Variants in MAGI2 observed in about 807,000 individuals in gnomAD.
MAGI2 encodes the protein membrane-associated guanylate kinase, WW and PDZ domain-containing protein 2.
In MAGI2, 35 loss-of-function variants were observed where a neutral mutation model predicts 133.3. The observed-to-expected ratio is 0.26, with a 90% confidence interval of 0.20 to 0.35. The LOEUF (loss-of-function observed/expected upper bound fraction) is 0.35, where lower values mean the gene tolerates loss of function less well. Among genes scored for constraint, MAGI2 ranks in the 10% least tolerant of loss-of-function variants. The pLI is 1.00. For synonymous variants in MAGI2, 729 were observed against 710.6 expected (o/e 1.03, Z -0.41); for missense variants, 1,636 against 1,863.4 (o/e 0.88, Z 2.25).
Position 78,167,927 on chromosome 7 carries a change from A to G in MAGI2, c.2585T>C (p.Val862Ala). 1 of 1,613,870 alleles carries G rather than the reference A, an allele frequency of 6.2e-7. No homozygotes were observed. Among genetic ancestry groups the G allele is most frequent in the Non-Finnish European group, 8.5e-7 (1 of 1,179,894 alleles). ...CTCCAGGTACATACCTCCACATAGCACCTTTCTTCTCACAGTGAGGTTGAC... is the reference window on the plus strand; with the variant it reads ...CTCCAGGTACATACCTCCACATAGCGCCTTTCTTCTCACAGTGAGGTTGAC... ...GQVNLTVRRK[V>A]LCGGEPCPEN... Residue 862 changes from valine to alanine, a missense_variant, in exon 15 of 22, where the codon GTG becomes GCG. By Grantham distance (64) the Val-to-Ala change is moderately conservative. This residue lies in a region of MAGI2 where 920 missense variants were observed against 1,093.5 expected (regional missense o/e 0.84). Transcript: ENST00000354212.
chr7:79,077,334 G>A (rs575182823), intron 1 of MAGI2, among the ~76,000 whole-genome samples: 6 of 151,762 alleles, frequency 4.0e-5, no homozygotes, highest in Admixed American at 6.6e-5. Context: ...GAGGCGGGCG[G>A]ATCACGAGGT....
intron 1 of MAGI2, among the ~76,000 whole-genome samples, chr7:79,182,253 G>T (rs1319716717): frequency 1.3e-5 from 2 of 151,960 alleles, no homozygotes; most frequent in African/African-American, 2.4e-5. Flanking sequence ...ATTTACAAAA[G>T]AAAGAGGTTT....
intron 3 of MAGI2, among the ~76,000 whole-genome samples, chr7:78,562,997 G>GTTT (rs397758695): frequency 7.2e-6 from 1 of 138,314 alleles, no homozygotes; most frequent in Non-Finnish European, 1.6e-5. Context: ...CTTTTTTGTT[G>GTTT]TTTTTTTTTT....
At chr7:78,062,646 C>T (rs1374921030) in intron 21 of MAGI2, among the ~76,000 whole-genome samples, 1 of 151,740 alleles carries the variant, frequency 6.6e-6, no homozygotes, top group Non-Finnish European at 1.5e-5. Context: ...GCGCTCCTCT[C>T]TCTGTATGCA....
At chr7:79,308,609 C>A (rs987394876) in intron 1 of MAGI2, among the ~76,000 whole-genome samples, 3 of 152,184 alleles carry the variant, frequency 2.0e-5, no homozygotes, top group Non-Finnish European at 4.4e-5. Context: ...GACAGCTGAA[C>A]ACTAAACCTC....
At chr7:78,424,736 A>G (rs1799128166) in intron 6 of MAGI2, among the ~76,000 whole-genome samples, 3 of 152,288 alleles carry the variant, frequency 2.0e-5, no homozygotes, top group South Asian at 4.1e-4. Context: ...GAGCTTTAAG[A>G]TTTGACTACC....
chr7:78,141,391 G>A (rs1243766778), intron 16 of MAGI2, among the ~76,000 whole-genome samples: 4 of 152,052 alleles, frequency 2.6e-5, no homozygotes, highest in Non-Finnish European at 5.9e-5. Context: ...GCCTTCATAT[G>A]TTTTATTGTG....
At chr7:79,019,627 T>G (rs1030104706) in intron 1 of MAGI2, among the ~76,000 whole-genome samples, 3 of 151,982 alleles carry the variant, frequency 2.0e-5, no homozygotes, top group African/African-American at 7.2e-5. Flanking sequence ...TCGCTTCCAC[T>G]TCTGCATCCT....
chr7:79,147,321 T>C (rs911881307), intron 1 of MAGI2, among the ~76,000 whole-genome samples: 4 of 152,048 alleles, frequency 2.6e-5, no homozygotes, highest in Non-Finnish European at 5.9e-5. Flanking sequence ...CATCATGGAG[T>C]AAATGACATT....
Position 78,487,176 on chromosome 7 carries a change from A to G in MAGI2, c.1045+2585T>C, listed in dbSNP as rs1471576134. ...GGAAGTAGCTGCAGCAGGATGGGGAAAAAAAAAAAAAAAAGCCAAAATACC... is the reference window on the plus strand; with the variant it reads ...GGAAGTAGCTGCAGCAGGATGGGGAGAAAAAAAAAAAAAAGCCAAAATACC... On this transcript the variant is annotated intron_variant, in intron 6 of 21. Coordinates refer to ENST00000354212, the MANE Select transcript of MAGI2 (RefSeq NM_012301.4). 2.9e-4 allele frequency: 15 copies of G among 51,186 alleles called. No individual in the cohort carries two copies. In the South Asian group the frequency reaches 3.4e-3, roughly 12 times the overall value. 3.2% of individuals were successfully genotyped at this position (51,186 alleles called of 1,614,324 possible). A position where few individuals can be genotyped will look rare whatever the true frequency, so the allele number is the denominator to read the frequency against.
chr7:78,155,939 A>G (rs986788072), intron 16 of MAGI2, among the ~76,000 whole-genome samples: 4 of 152,140 alleles, frequency 2.6e-5, no homozygotes, highest in African/African-American at 9.7e-5. Flanking sequence ...GTGCTTGGCA[A>G]AGTTGTTGTC....
intron 2 of MAGI2, among the ~76,000 whole-genome samples, chr7:78,808,888 C>T (rs1372709888): frequency 6.6e-6 from 1 of 152,186 alleles, no homozygotes; most frequent in African/African-American, 2.4e-5. Context: ...ATGACCCTAA[C>T]TTTTAATTAG....
intron 2 of MAGI2, among the ~76,000 whole-genome samples, chr7:78,774,344 G>A (rs1825816139): frequency 6.6e-6 from 1 of 152,122 alleles, no homozygotes; most frequent in Non-Finnish European, 1.5e-5. Flanking sequence ...TCAAGTAAAG[G>A]AGTACTCGTG....
At chr7:78,045,297 G>T (rs568364208) in intron 21 of MAGI2, among the ~76,000 whole-genome samples, 8 of 152,276 alleles carry the variant, frequency 5.3e-5, no homozygotes, top group African/African-American at 1.9e-4. Context: ...ATCTTTGGTT[G>T]GGGTCTTATT....
At chr7:78,873,008 T>C (rs1429759963) in intron 2 of MAGI2, among the ~76,000 whole-genome samples, 2 of 152,142 alleles carry the variant, frequency 1.3e-5, no homozygotes, top group Admixed American at 6.5e-5. Flanking sequence ...AAAATAGTTA[T>C]AAATTTCTAT....
intron 2 of MAGI2, among the ~76,000 whole-genome samples, chr7:78,705,268 G>A (rs1818522044): frequency 6.6e-6 from 1 of 151,934 alleles, no homozygotes; most frequent in Non-Finnish European, 1.5e-5. Flanking sequence ...TGGTTTATAA[G>A]GGGCTCTTCC....
At chr7:78,701,537 G>A (rs1188672321) in intron 2 of MAGI2, among the ~76,000 whole-genome samples, 1 of 151,934 alleles carries the variant, frequency 6.6e-6, no homozygotes, top group Non-Finnish European at 1.5e-5. Context: ...TACGTAGGGT[G>A]TAGGAACACT....
rs562954079 is a variant in MAGI2, at chr7:78,027,172, C to G, written c.3707-7196G>C. On this transcript the variant is annotated intron_variant, in intron 21 of 21. Transcript: ENST00000354212. Reference sequence around the variant, plus strand: ...TGCTAGTCTGATTGAGAAATGAGGGCTCATGTCTTCTTCTGGGGCAGTATA... The same window carrying G: ...TGCTAGTCTGATTGAGAAATGAGGGGTCATGTCTTCTTCTGGGGCAGTATA... 6.6e-5 allele frequency among the ~76,000 whole-genome samples: 10 copies of G among 152,274 alleles called. No homozygotes were observed. In the South Asian group the frequency reaches 1.7e-3, roughly 25 times the overall value.
chr7:79,133,163 T>C (rs1446479798), intron 1 of MAGI2, among the ~76,000 whole-genome samples: 1 of 152,194 alleles, frequency 6.6e-6, no homozygotes, highest in African/African-American at 2.4e-5. Context: ...TTCAGTCCCA[T>C]TTATTTATTT....
Sources: gnomAD v4.1 joint callset for allele counts (sites outside exome capture counted in the v4.1 genomes callset) on GRCh38, gnomAD v4.1.1 for gene constraint, gnomAD v4.1.1 regional missense constraint, MANE v1.5 for transcripts, NCBI Gene and HGNC (gene_info 2026-07-23, HGNC 2026-07-21) for gene names.